Variants in EPHA10 observed in about 807,000 individuals in gnomAD.
The protein encoded by EPHA10 is ephrin type-A receptor 10.
A neutral mutation model predicts 109.7 loss-of-function variants in EPHA10; 120 were observed. The observed-to-expected ratio is 1.09, with a 90% CI of 0.94 to 1.27. The LOEUF (loss-of-function observed/expected upper bound fraction) is 1.27. EPHA10 is among the 50% of genes most tolerant of loss of function. The pLI is 0.00. For synonymous variants in EPHA10, 640 were observed against 618.9 expected (o/e 1.03, Z -0.51); for missense variants, 1,396 against 1,411.1 (o/e 0.99, Z 0.17).
At chr1:37,761,380 C>T (rs1646428527) in intron 3 of EPHA10, 25 bp downstream of exon 3, 4 of 1,598,526 alleles carry the variant, frequency 2.5e-6, no homozygotes, top group Non-Finnish European at 3.4e-6. Context: ...CACTCCCACC[C>T]CACGGCCCCC....
At position 37,761,481 on chromosome 1, in the gene EPHA10, G is replaced by T; in HGVS notation, c.774C>A (p.Ala258=). Residue 258 remains alanine (A), a synonymous_variant, in exon 3 of 17, where the codon GCC becomes GCA. Coordinates refer to ENST00000373048, the MANE Select transcript of EPHA10 (RefSeq NM_001099439.2). ...CCACAGGCACCAGCCACTCGCCGTC[G>T]GCGCCGCAGTGCATGCGTGGGGGGC... is the stretch of plus-strand genomic sequence containing the variant. ...PGSPPRMHCG[A]DGEWLVPVGR... The T allele has an allele frequency of 6.2e-7, 1 of 1,600,438 alleles. No homozygotes were observed.
chr1:37,755,971 G>A (rs1172322267), intron 3 of EPHA10, among the ~76,000 whole-genome samples: 1 of 152,158 alleles, frequency 6.6e-6, no homozygotes, highest in Non-Finnish European at 1.5e-5. Flanking sequence ...CAGCCTGTGT[G>A]GCAGAAGAGG....
At chr1:37,719,114 T>A in intron 15 of EPHA10, 1 of 590,354 alleles carries the variant, frequency 1.7e-6, no homozygotes, top group Admixed American at 3.0e-5. Context: ...GAATATTAAT[T>A]TCACATATTT....
At chr1:37,724,507 G>A (rs1645855181) in intron 8 of EPHA10, among the ~76,000 whole-genome samples, 1 of 152,124 alleles carries the variant, frequency 6.6e-6, no homozygotes, top group Non-Finnish European at 1.5e-5. Flanking sequence ...TAGGCTAGCG[G>A]AAGGAAGCAC....
At position 37,718,207 on chromosome 1, in the gene EPHA10, G is replaced by A. The variant is rs1645721584; in HGVS notation, c.*165C>T. On this transcript the variant is annotated 3_prime_UTR_variant, in exon 17 of 17. Transcript: ENST00000373048. ...GTTCAGACTCGTGAAAATGGGAGGG[G>A]CAGGCAGTGAAAGCGGGGAAGCTGT... 2 of 633,816 alleles carry A rather than the reference G, an allele frequency of 3.2e-6. No homozygotes were observed. The highest frequency in any genetic ancestry group is 5.6e-6 in the Non-Finnish European group (2 of 358,878). 39.3% of individuals were successfully genotyped at this position (633,816 alleles called of 1,614,324 possible). A position where few individuals can be genotyped will look rare whatever the true frequency, so the allele number is the denominator to read the frequency against.
At position 37,718,644 on chromosome 1, in the gene EPHA10, T is replaced by C. The variant is rs609437; in HGVS notation, c.2912+17A>G. On this transcript the variant is annotated intron_variant, in intron 16 of 16. Transcript: ENST00000373048. ...AATCCCCCAGCCCCGGCCTTGACCT[T>C]GGTGCCTTGGACTCACTGGGCAGTC... 0.25 allele frequency: 396,887 copies of C among 1,612,900 alleles called. 51,051 individuals are homozygous for C. The highest frequency in any genetic ancestry group is 0.26 in the Non-Finnish European group (311,498 of 1,179,914).
intron 7 of EPHA10, among the ~76,000 whole-genome samples, chr1:37,730,838 C>T (rs1023639035): frequency 1.8e-4 from 27 of 151,722 alleles, no homozygotes; most frequent in African/African-American, 6.3e-4. Flanking sequence ...ATTACAGGTG[C>T]CCGCCACCAC....
At position 37,718,805 on chromosome 1, in the gene EPHA10, G is replaced by T; in HGVS notation, c.2768C>A (p.Pro923Gln). The T allele has an allele frequency of 6.2e-7, 1 of 1,611,358 alleles. No homozygotes were observed. The highest frequency in any genetic ancestry group is 8.5e-7 in the Non-Finnish European group (1 of 1,179,214). Residue 923 changes from proline (P) to glutamine (Q), a missense_variant, in exon 16 of 17, where the codon CCA becomes CAA. Coordinates refer to ENST00000373048, the MANE Select transcript of EPHA10 (RefSeq NM_001099439.2). ...ALTTCPRPPT[P>Q]LADRAFSTFP... ...GGTGGAGAAGGCACGGTCCGCTAGTGGGGTGGGAGGCCTGCGGGTCAGAGG... is the reference window on the plus strand; with the variant it reads ...GGTGGAGAAGGCACGGTCCGCTAGTTGGGTGGGAGGCCTGCGGGTCAGAGG...
intron 10 of EPHA10, 82 bp downstream of exon 10, chr1:37,722,959 G>C (rs752100411): frequency 1.9e-6 from 3 of 1,599,512 alleles, no homozygotes; most frequent in Non-Finnish European, 2.6e-6. Context: ...TCAGGATAGA[G>C]GTGTGGACAG....
chr1:37,718,585 G>T, intron 16 of EPHA10, 76 bp downstream of exon 16: 1 of 1,611,506 alleles, frequency 6.2e-7, no homozygotes, highest in Non-Finnish European at 8.5e-7. Flanking sequence ...GACAGGTTGG[G>T]ACTCCCCAGT....
At chr1:37,750,771 G>A (rs930511131) in intron 5 of EPHA10, among the ~76,000 whole-genome samples, 1 of 151,932 alleles carries the variant, frequency 6.6e-6, no homozygotes, top group Non-Finnish European at 1.5e-5. Flanking sequence ...TGTAGAGACA[G>A]GGTCTCACTA....
At chr1:37,756,157 CAG>C (rs1646391214) in intron 3 of EPHA10, among the ~76,000 whole-genome samples, 4 of 152,150 alleles carry the variant, frequency 2.6e-5, no homozygotes, top group African/African-American at 9.7e-5. Flanking sequence ...TGGTGGGCAG[CAG>C]AGACCCAGGC....
chr1:37,720,948 C>A (rs1645784379), intron 11 of EPHA10, 104 bp from the exon 12 acceptor site: 3 of 1,080,580 alleles, frequency 2.8e-6, no homozygotes, highest in South Asian at 2.7e-5. Context: ...GAGCCAGAAC[C>A]AGCACCAAGC....
Position 37,752,921 on chromosome 1 carries a change from C to G in EPHA10, c.1312G>C (p.Ala438Pro), listed in dbSNP as rs1415331689. 9.2e-6 allele frequency: 12 copies of G among 1,309,262 alleles called. No individual in the cohort carries two copies. The highest frequency in any genetic ancestry group is 1.1e-5 in the Non-Finnish European group (11 of 1,032,118). 81.1% of individuals were successfully genotyped at this position (1,309,262 alleles called of 1,614,324 possible). A position where few individuals can be genotyped will look rare whatever the true frequency, so the allele number is the denominator to read the frequency against. The change falls in exon 5 of 17, where the codon GCG (alanine) becomes CCG (proline). Residue 438 changes from alanine to proline, a missense_variant. Ala to Pro is a conservative substitution (Grantham distance 27). Coordinates refer to ENST00000373048, the MANE Select transcript of EPHA10 (RefSeq NM_001099439.2). ...GTGACCTGCGCGTAGGTGGTTCCCG[C>G]GGCGGCCGCCGGGCCCGAGACGCCG... ...LNGVSGPAAA[A>P]GTTYAQVTVS... is the part of the protein sequence containing the mutation.
rs913394981 is a variant in EPHA10, at chr1:37,764,318, A to G, written c.106+643T>C. On this transcript the variant is annotated intron_variant, in intron 1 of 16. Transcript: ENST00000373048. The surrounding 1 kb of genome is among the most constrained non-coding windows in gnomAD (Gnocchi z 5.8). ...AGATTCCAGCTCCTCCGGATTCTGC[A>G]CCTAGATATGACGCCTCTGGATTCA... 6.6e-6 allele frequency among the ~76,000 whole-genome samples: 1 copy of G among 152,140 alleles called. No individual in the cohort carries two copies. Among genetic ancestry groups the G allele is most frequent in the Non-Finnish European group, 1.5e-5 (1 of 68,016 alleles).
Position 37,721,780 on chromosome 1 carries a change from C to CGGCT in EPHA10, c.2022_2025dup (p.Val676SerfsTer28). 6.2e-7 allele frequency: 1 copy of CGGCT among 1,611,718 alleles called. No homozygotes were observed. Among genetic ancestry groups the CGGCT allele is most frequent in the Non-Finnish European group, 8.5e-7 (1 of 1,179,338 alleles). ...GAGGCGCTGTCCCTCAGCATATGCACGGCTACGAGCAGCTCCTGGCGACCG... is the reference window on the plus strand; with the variant it reads ...GAGGCGCTGTCCCTCAGCATATGCACGGCTGGCTACGAGCAGCTCCTGGCGACCG... On this transcript the variant is annotated frameshift_variant, in exon 11 of 17. Transcript: ENST00000373048. LOFTEE classifies it high-confidence loss of function.
chr1:37,723,448 C>T, intron 8 of EPHA10, 76 bp from the exon 9 acceptor site: 2 of 1,497,856 alleles, frequency 1.3e-6, no homozygotes, highest in Non-Finnish European at 1.8e-6. Context: ...GAGGGCAGCA[C>T]CTCTTTGTCC....
At chr1:37,760,560 A>T in intron 3 of EPHA10, 1 of 575,140 alleles carries the variant, frequency 1.7e-6, no homozygotes, top group Non-Finnish European at 2.3e-6. Flanking sequence ...ACTTGCAAGT[A>T]TTTGGTCCGT....
intron 6 of EPHA10, among the ~76,000 whole-genome samples, chr1:37,734,251 T>C (rs1337419090): frequency 6.6e-6 from 1 of 152,056 alleles, no homozygotes; most frequent in Non-Finnish European, 1.5e-5. Context: ...GATAATAAAT[T>C]GGCCAGGTGC....
Sources: gnomAD v4.1 joint callset for allele counts (sites outside exome capture counted in the v4.1 genomes callset) on GRCh38, gnomAD v4.1.1 for gene constraint, Gnocchi (gnomAD v3.1) non-coding constraint, MANE v1.5 for transcripts, NCBI Gene and HGNC (gene_info 2026-07-23, HGNC 2026-07-21) for gene names.